TRPM3: variants seen among roughly 807,000 people sequenced by gnomAD.
TRPM3 encodes long transient receptor potential channel 3.
TRPM3 carries 77 observed loss-of-function variants against 181.2 expected under a neutral mutation model. That is an observed-to-expected ratio of 0.42 (90% CI 0.35 to 0.51). The LOEUF is 0.51. TRPM3 is among the 20% of genes least tolerant of loss of function. TRPM3 has a pLI of 0.01. For missense variants in TRPM3, 1,759 were observed against 2,196.7 expected (o/e 0.80, Z 3.98); for synonymous variants, 745 against 796.4 (o/e 0.94, Z 1.09).
At chr9:70,555,854 C>T (rs573227899) in intron 22 of TRPM3, among the ~76,000 whole-genome samples, 12 of 152,242 alleles carry the variant, frequency 7.9e-5, no homozygotes, top group African/African-American at 2.6e-4. Flanking sequence ...TCTGTGTAGA[C>T]GCCAACAAAG....
At chr9:70,877,576 T>A (rs188918382) in intron 1 of TRPM3, among the ~76,000 whole-genome samples, 3 of 152,056 alleles carry the variant, frequency 2.0e-5, no homozygotes, top group Non-Finnish European at 2.9e-5. Context: ...GTTTGGGACA[T>A]GAGGGATAAG....
chr9:70,922,870 C>T (rs2096671849), intron 1 of TRPM3, among the ~76,000 whole-genome samples: 1 of 151,920 alleles, frequency 6.6e-6, no homozygotes, highest in African/African-American at 2.4e-5. Flanking sequence ...TGCAGGTAAC[C>T]AGCATGTTAT....
chr9:71,095,805 AAGAG>A (rs1029202216), intron 1 of TRPM3, among the ~76,000 whole-genome samples: 18 of 151,150 alleles, frequency 1.2e-4, no homozygotes, highest in Admixed American at 7.3e-4. Context: ...AAAAGAGAGA[AAGAG>A]AGAGAGACTG....
intron 1 of TRPM3, among the ~76,000 whole-genome samples, chr9:71,375,249 T>A (rs2092636504): frequency 6.6e-6 from 1 of 152,140 alleles, no homozygotes; most frequent in Non-Finnish European, 1.5e-5. Flanking sequence ...TCGACAAATC[T>A]GACTTAAACA....
intron 1 of TRPM3, among the ~76,000 whole-genome samples, chr9:71,146,691 C>T (rs575531678): frequency 2.0e-5 from 3 of 152,216 alleles, no homozygotes; most frequent in Non-Finnish European, 2.9e-5. Flanking sequence ...GTGCCCTAGA[C>T]GCCATTACTG....
intron 1 of TRPM3, among the ~76,000 whole-genome samples, chr9:70,944,371 G>A (rs2096913012): frequency 6.6e-6 from 1 of 152,118 alleles, no homozygotes; most frequent in Admixed American, 6.6e-5. Context: ...TCTGTATTCT[G>A]AGTGGGTTCA....
chr9:70,846,271 AG>A, intron 4 of TRPM3, 106 bp downstream of exon 4: 1 of 1,008,686 alleles, frequency 9.9e-7, no homozygotes, highest in Non-Finnish European at 1.6e-6. Flanking sequence ...ACCCATGGGT[AG>A]GGATGAAGTG....
intron 1 of TRPM3, among the ~76,000 whole-genome samples, chr9:70,969,983 G>A (rs2133910821): frequency 6.6e-6 from 1 of 151,922 alleles, no homozygotes; most frequent in East Asian, 1.9e-4. Flanking sequence ...GTATCCATGT[G>A]GACAGTGACA....
chr9:71,060,368 C>A (rs1361808039), intron 1 of TRPM3, among the ~76,000 whole-genome samples: 5 of 152,098 alleles, frequency 3.3e-5, no homozygotes, highest in African/African-American at 1.2e-4. Flanking sequence ...AGGCACTGTG[C>A]TCAGCACCTT....
chr9:70,841,648 ATATATATATATAT>A (rs1564539416), intron 5 of TRPM3, among the ~76,000 whole-genome samples: 1,518 of 120,614 alleles, frequency 0.013, 82 homozygotes, highest in African/African-American at 0.047. Flanking sequence ...ATATATATAT[ATATATATATATAT>A]CCCACCATAT....
At chr9:70,913,504 T>C (rs1192581213) in intron 1 of TRPM3, among the ~76,000 whole-genome samples, 1 of 152,212 alleles carries the variant, frequency 6.6e-6, no homozygotes, top group African/African-American at 2.4e-5. Flanking sequence ...CATTTGTTTA[T>C]AATGTCCAAG....
At chr9:70,761,156 T>C (rs2078055237) in intron 8 of TRPM3, 1 of 366,390 alleles carries the variant, frequency 2.7e-6, no homozygotes, top group Non-Finnish European at 4.9e-6. Flanking sequence ...GGATTTCTTA[T>C]GTTTCTCCGT....
chr9:71,246,642 A>C (rs2131994993), intron 1 of TRPM3, among the ~76,000 whole-genome samples: 1 of 152,358 alleles, frequency 6.6e-6, no homozygotes, highest in Non-Finnish European at 1.5e-5. Context: ...CACAAAATTA[A>C]CTGGCATTCG....
At chr9:70,789,878 C>T (rs2084931924) in intron 6 of TRPM3, among the ~76,000 whole-genome samples, 1 of 152,166 alleles carries the variant, frequency 6.6e-6, no homozygotes, top group East Asian at 1.9e-4. Flanking sequence ...GGCAATTCAG[C>T]CGGGGCTCCC....
chr9:70,582,719 G>T (rs1047915429), intron 22 of TRPM3, among the ~76,000 whole-genome samples: 2 of 152,042 alleles, frequency 1.3e-5, no homozygotes, highest in African/African-American at 4.8e-5. Flanking sequence ...CTATGGTATT[G>T]GACAATATAG....
chr9:70,597,493 A>G (rs907851179), intron 21 of TRPM3, among the ~76,000 whole-genome samples: 4 of 152,224 alleles, frequency 2.6e-5, no homozygotes, highest in Non-Finnish European at 4.4e-5. Flanking sequence ...GAACTGATGA[A>G]AAGTACCCAG....
chr9:71,323,043 C>G (rs75081722), intron 1 of TRPM3, among the ~76,000 whole-genome samples: 2 of 152,174 alleles, frequency 1.3e-5, no homozygotes, highest in Non-Finnish European at 2.9e-5. Context: ...TTCTAAATGT[C>G]AAGACTGGAT....
intron 1 of TRPM3, among the ~76,000 whole-genome samples, chr9:71,329,285 G>A (rs2089948083): frequency 1.3e-5 from 2 of 152,182 alleles, no homozygotes; most frequent in South Asian, 4.1e-4. Context: ...CACCTGCAAA[G>A]AAATGAGTAG....
intron 1 of TRPM3, among the ~76,000 whole-genome samples, chr9:70,868,515 G>A: frequency 6.6e-6 from 1 of 151,956 alleles, no homozygotes; most frequent in East Asian, 1.9e-4. Context: ...ACAAATGTTA[G>A]TCCCCAAACT....
Sources: gnomAD v4.1 joint callset for allele counts (sites outside exome capture counted in the v4.1 genomes callset) on GRCh38, gnomAD v4.1.1 for gene constraint, MANE v1.5 for transcripts, NCBI Gene and HGNC (gene_info 2026-07-23, HGNC 2026-07-21) for gene names.